Variants in GRK5 observed in about 807,000 individuals in gnomAD.
GRK5 encodes the protein G protein-coupled receptor kinase 5.
In GRK5, 40 loss-of-function variants were observed where a neutral mutation model predicts 78.4. The ratio of observed to expected loss-of-function variants is 0.51; its 90% CI spans 0.40 to 0.66. The LOEUF is 0.66. Among genes scored for constraint, GRK5 ranks in the 30% least tolerant of loss-of-function variants. The probability of loss-of-function intolerance (pLI) is 0.00; values close to 1 mark genes in which losing one functional copy is unlikely to be tolerated. For synonymous variants in GRK5, 289 were observed against 296.8 expected, an observed-to-expected ratio of 0.97 and a Z score of 0.27; for missense variants, 598 against 759.9, an observed-to-expected ratio of 0.79 and a Z score of 2.50.
intron 2 of GRK5, among the ~76,000 whole-genome samples, chr10:119,344,567 C>G (rs1851045657): frequency 6.6e-6 from 1 of 152,208 alleles, no homozygotes; most frequent in Non-Finnish European, 1.5e-5. Context: ...CTTCCCTGCT[C>G]TTTTTGGGGA....
chr10:119,349,916 G>T (rs753294339), intron 2 of GRK5, among the ~76,000 whole-genome samples: 15 of 152,246 alleles, frequency 9.9e-5, no homozygotes, highest in Non-Finnish European at 1.8e-4. Context: ...CCTGTGGAAG[G>T]TGTGGGCTGC....
chr10:119,283,685 C>A (rs952556860), intron 1 of GRK5, among the ~76,000 whole-genome samples: 1 of 152,196 alleles, frequency 6.6e-6, no homozygotes, highest in Non-Finnish European at 1.5e-5. Flanking sequence ...ATGCTGATGG[C>A]TTCCCTGAGA....
intron 1 of GRK5, among the ~76,000 whole-genome samples, chr10:119,225,875 G>A (rs893218368): frequency 6.7e-6 from 1 of 149,302 alleles, no homozygotes; most frequent in African/African-American, 2.5e-5. Context: ...TTGAGATGGA[G>A]TCTCGCTCTG....
chr10:119,295,253 G>C (rs1444632756), intron 1 of GRK5, among the ~76,000 whole-genome samples: 1 of 151,340 alleles, frequency 6.6e-6, no homozygotes, highest in East Asian at 1.9e-4. Flanking sequence ...CATCTTAAGG[G>C]CAGAGAACAT....
At chr10:119,357,540 G>C (rs904879688) in intron 2 of GRK5, among the ~76,000 whole-genome samples, 3 of 152,178 alleles carry the variant, frequency 2.0e-5, no homozygotes, top group South Asian at 2.1e-4. Context: ...GGAGTGGAGT[G>C]GGGGAAGCAT....
At chr10:119,377,112 G>A (rs1316654033) in intron 2 of GRK5, among the ~76,000 whole-genome samples, 1 of 152,162 alleles carries the variant, frequency 6.6e-6, no homozygotes, top group Non-Finnish European at 1.5e-5. Flanking sequence ...TGTCCTAGGT[G>A]TTTCTCCTCA....
intron 1 of GRK5, among the ~76,000 whole-genome samples, chr10:119,318,491 A>G (rs1358176577): frequency 6.6e-6 from 1 of 152,144 alleles, no homozygotes; most frequent in Non-Finnish European, 1.5e-5. Flanking sequence ...GAACCCAGTA[A>G]GTTAGACCTT....
chr10:119,443,470 T>C, intron 11 of GRK5, 74 bp from the exon 12 acceptor site: 1 of 1,399,138 alleles, frequency 7.1e-7, no homozygotes, highest in Non-Finnish European at 9.9e-7. Flanking sequence ...GCCATGAAAC[T>C]CCAGGCCTTC....
At chr10:119,246,380 C>T (rs1849114206) in intron 1 of GRK5, among the ~76,000 whole-genome samples, 1 of 151,966 alleles carries the variant, frequency 6.6e-6, no homozygotes, top group Non-Finnish European at 1.5e-5. Flanking sequence ...TTTTTTCCCC[C>T]TCAAGAGTTT....
At chr10:119,299,940 C>A (rs916775063) in intron 1 of GRK5, among the ~76,000 whole-genome samples, 2 of 152,046 alleles carry the variant, frequency 1.3e-5, no homozygotes, top group Non-Finnish European at 2.9e-5. Flanking sequence ...TTAGGTATAT[C>A]TCCTAATGCT....
intron 1 of GRK5, among the ~76,000 whole-genome samples, chr10:119,255,839 C>T (rs973808080): frequency 9.9e-5 from 15 of 152,238 alleles, no homozygotes; most frequent in Middle Eastern, 3.4e-3. Flanking sequence ...GCTTTGCCCT[C>T]GAGAGCTGAC....
chr10:119,326,315 G>T (rs560902614), intron 1 of GRK5, among the ~76,000 whole-genome samples: 1 of 152,340 alleles, frequency 6.6e-6, no homozygotes, highest in African/African-American at 2.4e-5. Context: ...AGGCAGGACT[G>T]TGCGGGATAC....
rs931108414 is a variant in GRK5 at position 119,216,242 on chromosome 10, A to T, written c.52+8273A>T. ...GATAGGGCCTACTGTGTTTCTAAGA[A>T]CTTGTAATCTGTGGAATATCAAAAA... is the stretch of plus-strand genomic sequence containing the variant. On this transcript the variant is annotated intron_variant, in intron 1 of 15. Transcript: ENST00000392870. Among the ~76,000 whole-genome samples the T allele has an allele frequency of 6.6e-5, 10 of 152,374 alleles. No individual in the cohort carries two copies. The East Asian group carries it at 1.7e-3, about 26-fold the overall frequency.
Position 119,448,089 on chromosome 10 carries a change from AGGGGACGTGGCTTCAT to A in GRK5, c.1267-29_1267-14del. The A allele has an allele frequency of 6.6e-7, 1 of 1,511,016 alleles. No homozygotes were observed. The highest frequency in any genetic ancestry group is 8.8e-7 in the Non-Finnish European group (1 of 1,134,712). 93.6% of individuals were successfully genotyped at this position (1,511,016 alleles called of 1,614,324 possible). On this transcript the variant is annotated intron_variant, in intron 12 of 15. Transcript: ENST00000392870. ...GAGGTCCGGACAGGAGGAGAGGCCCAGGGGACGTGGCTTCATGGGGCTCTCTGTTTCAGCTGCTCAC... is the reference window on the plus strand; with the variant it reads ...GAGGTCCGGACAGGAGGAGAGGCCCAGGGGCTCTCTGTTTCAGCTGCTCAC...
chr10:119,412,572 G>A lies in GRK5; in HGVS notation c.340-10594G>A, dbSNP rs927071066. Among the ~76,000 whole-genome samples the A allele has an allele frequency of 5.3e-5, 8 of 152,130 alleles. No homozygotes were observed. The highest frequency in any genetic ancestry group is 1.2e-4 in the African/African-American group (5 of 41,436). ...TTCTTGTCTGGGGCTTGTGGATCACGTCTCCTGCCTGGCCATGGACAGAGA... is the reference window on the plus strand; with the variant it reads ...TTCTTGTCTGGGGCTTGTGGATCACATCTCCTGCCTGGCCATGGACAGAGA... On this transcript the variant is annotated intron_variant, in intron 4 of 15. Coordinates refer to ENST00000392870, the MANE Select transcript of GRK5 (RefSeq NM_005308.3). This position sits in a 1 kb window ranked among gnomAD's most constrained non-coding sequence, Gnocchi z 4.3.
At chr10:119,284,542 A>G (rs1305392864) in intron 1 of GRK5, among the ~76,000 whole-genome samples, 2 of 152,194 alleles carry the variant, frequency 1.3e-5, no homozygotes, top group African/African-American at 4.8e-5. Flanking sequence ...GTTACAATCC[A>G]GTTTATCTTA....
chr10:119,430,281 T>C lies in GRK5; in HGVS notation c.534-94T>C, dbSNP rs373028706. On this transcript the variant is annotated intron_variant, in intron 6 of 15. Coordinates refer to ENST00000392870, the MANE Select transcript of GRK5 (RefSeq NM_005308.3). The surrounding 1 kb of genome is among the most constrained non-coding windows in gnomAD (Gnocchi z 4.5). ...GGCTGCTGTGGGGCTCCTGGAATTATACCCCACCCCAGCTGCTCTCAATGT... is the reference window on the plus strand; with the variant it reads ...GGCTGCTGTGGGGCTCCTGGAATTACACCCCACCCCAGCTGCTCTCAATGT... 2.8e-6 allele frequency: 3 copies of C among 1,081,438 alleles called. No individual in the cohort carries two copies. Among genetic ancestry groups the C allele is most frequent in the Non-Finnish European group, 2.8e-6 (2 of 704,066 alleles). The allele number at this position is 1,081,438 out of a possible 1,614,324, so 67.0% of individuals were successfully genotyped here. A position where few individuals can be genotyped will look rare whatever the true frequency, so the allele number is the denominator to read the frequency against.
At chr10:119,408,298 C>T (rs1852277054) in intron 4 of GRK5, among the ~76,000 whole-genome samples, 1 of 139,130 alleles carries the variant, frequency 7.2e-6, no homozygotes, top group African/African-American at 2.7e-5. Context: ...GCTATGATTG[C>T]ACCACTGCTC....
chr10:119,279,572 G>T (rs1046073375), intron 1 of GRK5, among the ~76,000 whole-genome samples: 1 of 152,344 alleles, frequency 6.6e-6, no homozygotes, highest in East Asian at 1.9e-4. Flanking sequence ...AGCAGCAAGG[G>T]CTCCTCATTC....
Sources: allele counts gnomAD v4.1 joint callset (sites outside exome capture counted in the v4.1 genomes callset), GRCh38; gene constraint gnomAD v4.1.1; non-coding constraint Gnocchi (gnomAD v3.1); transcripts MANE v1.5; gene names NCBI Gene and HGNC (gene_info 2026-07-23, HGNC 2026-07-21).